Variants in CLMN observed in about 807,000 individuals in gnomAD.
CLMN encodes calmin.
CLMN carries 57 observed loss-of-function variants against 92.7 expected under a neutral mutation model. That is an observed-to-expected ratio of 0.61 (90% CI 0.50 to 0.77). The LOEUF (loss-of-function observed/expected upper bound fraction) is 0.77, where lower values mean the gene tolerates loss of function less well. CLMN is among the 30% of genes least tolerant of loss of function. The pLI is 0.00. For synonymous variants in CLMN, 466 were observed against 470.6 expected (o/e 0.99, Z 0.13); for missense variants, 1,158 against 1,237.5 (o/e 0.94, Z 0.96).
rs140399405 is a variant in CLMN at position 95,204,312 on chromosome 14, G to C, written c.1037C>G (p.Pro346Arg). The C allele has an allele frequency of 5.0e-6, 8 of 1,613,956 alleles. No individual in the cohort carries two copies. The highest frequency in any genetic ancestry group is 6.8e-6 in the Non-Finnish European group (8 of 1,180,002). ...GTCACAGACAAAGACTTTGGAGGGT[G>C]GTGGGTGGCTGGTTTCATGGTTAAC... ...YTVNHETSHPPPSKVFVCDKP... is the reference protein window; with the variant it reads ...YTVNHETSHPRPSKVFVCDKP... The change falls in exon 9 of 13, where the codon CCA (proline) becomes CGA (arginine). Residue 346 changes from proline to arginine, a missense_variant. By Grantham distance (103) the Pro-to-Arg change is moderately radical. Coordinates refer to ENST00000298912, the MANE Select transcript of CLMN (RefSeq NM_024734.4).
chr14:95,225,480 C>T (rs965424398), intron 2 of CLMN, among the ~76,000 whole-genome samples: 2 of 152,258 alleles, frequency 1.3e-5, no homozygotes, highest in Non-Finnish European at 2.9e-5. Context: ...CCCACCTACC[C>T]GGCCCATTCC....
chr14:95,229,891 T>A (rs1222200489), intron 2 of CLMN, among the ~76,000 whole-genome samples, 181 bp downstream of exon 2: 1 of 152,096 alleles, frequency 6.6e-6, no homozygotes, highest in Non-Finnish European at 1.5e-5. Flanking sequence ...GGCAGAGCCG[T>A]GTCTCAGTCA....
intron 1 of CLMN, among the ~76,000 whole-genome samples, chr14:95,270,803 T>C (rs1224724948): frequency 6.6e-6 from 1 of 152,054 alleles, no homozygotes; most frequent in African/African-American, 2.4e-5. Flanking sequence ...TACATGGAGG[T>C]CTGTTTTCAT....
At position 95,189,251 on chromosome 14, in the gene CLMN, G is replaced by A. The variant is rs1269686364; in HGVS notation, c.*2313C>T. 5 of 152,348 alleles carry A rather than the reference G, an allele frequency of 3.3e-5. No individual in the cohort carries two copies. The highest frequency in any genetic ancestry group is 7.2e-5 in the African/African-American group (3 of 41,582). The allele number at this position is 152,348 out of a possible 1,614,324, so 9.4% of individuals were successfully genotyped here. A position where few individuals can be genotyped will look rare whatever the true frequency, so the allele number is the denominator to read the frequency against. Reference sequence around the variant, plus strand: ...AAATTAAAAAATAAAGTGTAAGCACGTTATGTAGAAATGCAAACATAAGAG... The same window carrying A: ...AAATTAAAAAATAAAGTGTAAGCACATTATGTAGAAATGCAAACATAAGAG... On this transcript the variant is annotated 3_prime_UTR_variant, in exon 13 of 13. Coordinates refer to ENST00000298912, the MANE Select transcript of CLMN (RefSeq NM_024734.4).
intron 6 of CLMN, among the ~76,000 whole-genome samples, chr14:95,212,513 G>A (rs912497109): frequency 2.6e-5 from 4 of 152,124 alleles, no homozygotes; most frequent in East Asian, 1.9e-4. Context: ...TTCCCGTCTC[G>A]ATTTTGGAAG....
At chr14:95,306,366 A>G (rs978759525) in intron 1 of CLMN, among the ~76,000 whole-genome samples, 1 of 152,162 alleles carries the variant, frequency 6.6e-6, no homozygotes, top group South Asian at 2.1e-4. Flanking sequence ...CAAAAAAATT[A>G]GCTGGGCATG....
intron 1 of CLMN, among the ~76,000 whole-genome samples, chr14:95,276,344 C>A (rs2140731014): frequency 6.6e-6 from 1 of 152,302 alleles, no homozygotes; most frequent in South Asian, 2.1e-4. Context: ...AGGATGTTAG[C>A]CGCTATTCTC....
At chr14:95,302,072 G>A (rs60453043) in intron 1 of CLMN, among the ~76,000 whole-genome samples, 1,676 of 152,252 alleles carry the variant, frequency 0.011, 30 homozygotes, top group African/African-American at 0.037. Flanking sequence ...AAGGAAGCAG[G>A]TGGATCACTT....
intron 1 of CLMN, among the ~76,000 whole-genome samples, chr14:95,292,422 C>G (rs1421698585): frequency 2.1e-5 from 2 of 97,138 alleles, no homozygotes; most frequent in Non-Finnish European, 4.5e-5. Context: ...ATCTGCCCCC[C>G]AAGGGTCCCC....
At position 95,190,915 on chromosome 14, in the gene CLMN, C is replaced by G. The variant is rs961409399; in HGVS notation, c.*649G>C. The G allele has an allele frequency of 1.3e-5, 2 of 152,004 alleles. No individual in the cohort carries two copies. The highest frequency in any genetic ancestry group is 1.3e-4 in the Admixed American group (2 of 15,266). The allele number at this position is 152,004 out of a possible 1,614,324, so 9.4% of individuals were successfully genotyped here. ...AACAAAAAACAAAACAAAAAAACAACAAAAAAAACAGGGTGAAAAAGAGCA... is the reference window on the plus strand; with the variant it reads ...AACAAAAAACAAAACAAAAAAACAAGAAAAAAAACAGGGTGAAAAAGAGCA... On this transcript the variant is annotated 3_prime_UTR_variant, in exon 13 of 13. Coordinates refer to ENST00000298912, the MANE Select transcript of CLMN (RefSeq NM_024734.4).
rs754759469 is a variant in CLMN, at chr14:95,259,429, GA to G, written c.83-29297del. On this transcript the variant is annotated intron_variant, in intron 1 of 12. Coordinates refer to ENST00000298912, the MANE Select transcript of CLMN (RefSeq NM_024734.4). The surrounding 1 kb of genome is among the most constrained non-coding windows in gnomAD (Gnocchi z 4.3). ...GCGTGGACAAACCTCCGGGTTACCA[GA>G]ATGTGCACTTTATGAGGACACGGAG... 9.4e-4 allele frequency among the ~76,000 whole-genome samples: 143 copies of G among 152,274 alleles called. No individual in the cohort carries two copies. Among genetic ancestry groups the G allele is most frequent in the Non-Finnish European group, 1.4e-3 (95 of 68,010 alleles).
At chr14:95,316,919 G>A (rs1016122664) in intron 1 of CLMN, among the ~76,000 whole-genome samples, 18 of 152,148 alleles carry the variant, frequency 1.2e-4, no homozygotes, top group Admixed American at 6.5e-4. Context: ...CAATCCCTAT[G>A]ATTAGAGATC....
chr14:95,277,977 A>G (rs960515341), intron 1 of CLMN, among the ~76,000 whole-genome samples: 1 of 152,200 alleles, frequency 6.6e-6, no homozygotes, highest in Non-Finnish European at 1.5e-5. Flanking sequence ...AGCCTAGGGA[A>G]TAAGAATTTT....
intron 1 of CLMN, among the ~76,000 whole-genome samples, chr14:95,233,425 A>C (rs915549082): frequency 1.3e-5 from 2 of 151,810 alleles, no homozygotes; most frequent in African/African-American, 2.4e-5. Flanking sequence ...CTGTCCATCC[A>C]TCCATTCATC....
intron 1 of CLMN, among the ~76,000 whole-genome samples, chr14:95,279,369 T>C (rs10136296): frequency 0.1 from 15,730 of 152,238 alleles, 943 homozygotes; most frequent in African/African-American, 0.15. Flanking sequence ...TTTGGAGACA[T>C]TAGATTCTAG....
intron 7 of CLMN, among the ~76,000 whole-genome samples, chr14:95,210,147 G>C (rs1897155739): frequency 6.6e-6 from 1 of 152,106 alleles, no homozygotes; most frequent in Non-Finnish European, 1.5e-5. Context: ...CCACCTCCCG[G>C]ACTCAAGTGA....
At chr14:95,245,339 G>C (rs1016659026) in intron 1 of CLMN, among the ~76,000 whole-genome samples, 6 of 126,436 alleles carry the variant, frequency 4.7e-5, no homozygotes, top group Non-Finnish European at 8.1e-5. Flanking sequence ...AAATGTCCAA[G>C]AATGTAGAGT....
Position 95,256,736 on chromosome 14 carries a change from G to A in CLMN, c.83-26603C>T, listed in dbSNP as rs1899013831. Among the ~76,000 whole-genome samples, 1 of 152,206 alleles carries A rather than the reference G, an allele frequency of 6.6e-6. No homozygotes were observed. Among genetic ancestry groups the A allele is most frequent in the Admixed American group, 6.5e-5 (1 of 15,278 alleles). On this transcript the variant is annotated intron_variant, in intron 1 of 12. Transcript: ENST00000298912. This position sits in a 1 kb window ranked among gnomAD's most constrained non-coding sequence, Gnocchi z 4.9. ...TCTAGGCTGGGATGGGAGAGAAATT[G>A]CCAAATGTAGGGCCCTGGTCCACAT...
intron 1 of CLMN, among the ~76,000 whole-genome samples, chr14:95,317,705 G>A (rs1206364950): frequency 2.0e-5 from 3 of 152,152 alleles, no homozygotes; most frequent in Non-Finnish European, 4.4e-5. Flanking sequence ...TCCCTTGGTG[G>A]TCAGGGGGCA....
Sources: gnomAD v4.1 joint callset for allele counts (sites outside exome capture counted in the v4.1 genomes callset) on GRCh38, gnomAD v4.1.1 for gene constraint, Gnocchi (gnomAD v3.1) non-coding constraint, MANE v1.5 for transcripts, NCBI Gene and HGNC (gene_info 2026-07-23, HGNC 2026-07-21) for gene names.